The following ATP10A variants were observed in gnomAD, a reference collection of about 807,000 sequenced individuals.
The protein encoded by ATP10A is phospholipid-transporting ATPase VA.
In ATP10A, 111 loss-of-function variants were observed where a neutral mutation model predicts 147.8. That is an observed-to-expected ratio of 0.75 (90% CI 0.64 to 0.88). ATP10A has a LOEUF of 0.88. Among genes scored for constraint, ATP10A ranks in the 40% least tolerant of loss-of-function variants. ATP10A has a pLI of 0.00. For synonymous variants in ATP10A, 875 were observed against 841.6 expected (o/e 1.04, Z -0.69); for missense variants, 1,927 against 1,959.0 (o/e 0.98, Z 0.31).
At chr15:25,738,741 G>A (rs1197777284) in intron 2 of ATP10A, 2 of 152,226 alleles carry the variant, frequency 1.3e-5, no homozygotes, top group African/African-American at 4.8e-5. Context: ...TGAGGGCACT[G>A]CCATTCTGAT....
chr15:25,831,930 A>T (rs1273399261), intron 1 of ATP10A, among the ~76,000 whole-genome samples: 1 of 152,200 alleles, frequency 6.6e-6, no homozygotes, highest in African/African-American at 2.4e-5. Flanking sequence ...ATTCATGTCC[A>T]TCTGGAACCT....
At chr15:25,720,470 C>T (rs778560073) in intron 7 of ATP10A, among the ~76,000 whole-genome samples, 11 of 152,090 alleles carry the variant, frequency 7.2e-5, no homozygotes, top group Non-Finnish European at 1.6e-4. Flanking sequence ...ACCGACTGCC[C>T]GGGTCTCTGA....
intron 1 of ATP10A, among the ~76,000 whole-genome samples, chr15:25,811,702 G>C (rs758122955): frequency 6.6e-6 from 1 of 150,656 alleles, no homozygotes; most frequent in Non-Finnish European, 1.5e-5. Flanking sequence ...GGAGCCCAGA[G>C]ACACCACAGG....
At chr15:25,777,951 A>C (rs1228602508) in intron 2 of ATP10A, among the ~76,000 whole-genome samples, 2 of 151,142 alleles carry the variant, frequency 1.3e-5, no homozygotes, top group African/African-American at 4.9e-5. Flanking sequence ...TTTTTTATTT[A>C]TTTTTTTAAA....
chr15:25,839,328 C>T (rs532989129), intron 1 of ATP10A, among the ~76,000 whole-genome samples: 1 of 152,308 alleles, frequency 6.6e-6, no homozygotes, highest in South Asian at 2.1e-4. Flanking sequence ...AATGTAATCT[C>T]ATCTTCCAGA....
At chr15:25,676,211 G>A (rs887160922), downstream of ATP10A, among the ~76,000 whole-genome samples, 2 of 152,076 alleles carry the variant, frequency 1.3e-5, no homozygotes, top group South Asian at 2.1e-4. Context: ...GCTGAGTCCC[G>A]GCCCCTTACC....
At chr15:25,857,031 T>G (rs1335084078) in intron 1 of ATP10A, among the ~76,000 whole-genome samples, 1 of 152,170 alleles carries the variant, frequency 6.6e-6, no homozygotes, top group African/African-American at 2.4e-5. Flanking sequence ...CTTAAAAGAT[T>G]TATCAGCCAC....
intron 2 of ATP10A, among the ~76,000 whole-genome samples, chr15:25,758,986 T>TA (rs1888604114): frequency 6.6e-6 from 1 of 152,078 alleles, no homozygotes; most frequent in Non-Finnish European, 1.5e-5. Context: ...TCAGTCTCTT[T>TA]AAATTAGCCC....
At chr15:25,779,845 AACACACACACACACACACAC>A (rs56111172) in intron 2 of ATP10A, among the ~76,000 whole-genome samples, 5 of 147,280 alleles carry the variant, frequency 3.4e-5, no homozygotes, top group Admixed American at 6.8e-5. Flanking sequence ...AGAAGGTTAA[AACACACACACACACACACAC>A]ACACACACAC....
At chr15:25,823,110 G>A (rs935987283) in intron 1 of ATP10A, among the ~76,000 whole-genome samples, 2 of 152,006 alleles carry the variant, frequency 1.3e-5, no homozygotes, top group East Asian at 3.9e-4. Flanking sequence ...AAAATCTCAA[G>A]AGTGAAACAG....
intron 1 of ATP10A, among the ~76,000 whole-genome samples, chr15:25,807,537 T>C (rs557049819): frequency 6.6e-6 from 1 of 152,358 alleles, no homozygotes; most frequent in Non-Finnish European, 1.5e-5. Context: ...GTGTGGTGGC[T>C]CACACCTGTA....
chr15:25,788,940 C>T (rs1890290735), intron 1 of ATP10A, among the ~76,000 whole-genome samples: 1 of 152,082 alleles, frequency 6.6e-6, no homozygotes, highest in Non-Finnish European at 1.5e-5. Flanking sequence ...ATAGATGAAA[C>T]AGGTAATGTG....
At chr15:25,677,611 A>T (rs759942817), downstream of ATP10A, 1 of 152,204 alleles carries the variant, frequency 6.6e-6, no homozygotes, top group Non-Finnish European at 1.5e-5. Flanking sequence ...TCCAAAGGAG[A>T]TTCTTTTCCT....
intron 1 of ATP10A, among the ~76,000 whole-genome samples, chr15:25,851,842 T>C (rs140044214): frequency 2.0e-5 from 3 of 152,222 alleles, no homozygotes; most frequent in East Asian, 1.9e-4. Context: ...GGTGGGATGA[T>C]TGCTTGAGGC....
intron 3 of ATP10A, among the ~76,000 whole-genome samples, chr15:25,735,293 C>T (rs749761954): frequency 7.2e-5 from 11 of 152,150 alleles, no homozygotes; most frequent in South Asian, 2.1e-4. Flanking sequence ...TCAGCAACTC[C>T]GTTCTGACAC....
intron 2 of ATP10A, among the ~76,000 whole-genome samples, chr15:25,757,083 A>G (rs1888454140): frequency 1.3e-5 from 2 of 152,242 alleles, no homozygotes; most frequent in Non-Finnish European, 2.9e-5. Flanking sequence ...AAATTAAGTA[A>G]TAGATACTCA....
chr15:25,798,874 C>A (rs1174320540), intron 1 of ATP10A, among the ~76,000 whole-genome samples: 2 of 151,576 alleles, frequency 1.3e-5, no homozygotes, highest in Non-Finnish European at 2.9e-5. Context: ...ATCCACCAGC[C>A]CGGTACAGGG....
intron 1 of ATP10A, among the ~76,000 whole-genome samples, chr15:25,828,111 A>C (rs1438577218): frequency 6.6e-6 from 1 of 152,236 alleles, no homozygotes; most frequent in Non-Finnish European, 1.5e-5. Flanking sequence ...CATAACAATT[A>C]TAAGCAAAAA....
intron 1 of ATP10A, among the ~76,000 whole-genome samples, chr15:25,788,979 A>T (rs1890292064): frequency 6.6e-6 from 1 of 152,116 alleles, no homozygotes; most frequent in African/African-American, 2.4e-5. Flanking sequence ...TGTTTTTGAG[A>T]CAGGGTCTTG....
Sources: allele counts gnomAD v4.1 joint callset (sites outside exome capture counted in the v4.1 genomes callset), GRCh38; gene constraint gnomAD v4.1.1; transcripts MANE v1.5; gene names NCBI Gene and HGNC (gene_info 2026-07-23, HGNC 2026-07-21).